Variants in KCNN3 observed in about 807,000 individuals in gnomAD.
The protein encoded by KCNN3 is small conductance calcium-activated potassium channel protein 3.
Under a neutral mutation model 62.9 loss-of-function variants are expected in KCNN3, and 16 were observed. The observed-to-expected ratio is 0.25, with a 90% CI of 0.17 to 0.39. The LOEUF (loss-of-function observed/expected upper bound fraction) is 0.39. Ranked by LOEUF, KCNN3 falls within the 10% of genes least tolerant of loss-of-function variation. The probability of loss-of-function intolerance (pLI) is 1.00; values close to 1 mark genes in which losing one functional copy is unlikely to be tolerated. For synonymous variants in KCNN3, 370 were observed against 389.2 expected (o/e 0.95, Z 0.58); for missense variants, 599 against 949.4 (o/e 0.63, Z 4.85).
In KCNN3 at chr1:154,700,711, G is replaced by C. The variant is rs1699834649; in HGVS notation, c.*7265C>G. ...CCAGCTACTCGGGAGGCTGAGGCAG[G>C]AGAATTGCATGAACCCAGGAGGCAG... is the stretch of plus-strand genomic sequence containing the variant. On this transcript the variant is annotated 3_prime_UTR_variant, in exon 8 of 8. Coordinates refer to ENST00000271915, the MANE Select transcript of KCNN3 (RefSeq NM_002249.6). 6.6e-6 allele frequency: 1 copy of C among 152,126 alleles called. No individual in the cohort carries two copies. The highest frequency in any genetic ancestry group is 1.5e-5 in the Non-Finnish European group (1 of 68,052). 9.4% of individuals were successfully genotyped at this position (152,126 alleles called of 1,614,324 possible). A position where few individuals can be genotyped will look rare whatever the true frequency, so the allele number is the denominator to read the frequency against.
At chr1:154,739,359 T>C (rs1200477486) in intron 3 of KCNN3, among the ~76,000 whole-genome samples, 1 of 152,246 alleles carries the variant, frequency 6.6e-6, no homozygotes. Context: ...CTGTGGGATC[T>C]ACTTGTATGT....
chr1:154,781,122 C>A (rs1387491695), intron 2 of KCNN3, among the ~76,000 whole-genome samples: 3 of 152,184 alleles, frequency 2.0e-5, no homozygotes, highest in African/African-American at 7.2e-5. Context: ...TGTGTAATGA[C>A]CACTCATGGG....
At chr1:154,755,294 A>G (rs1356497037) in intron 3 of KCNN3, among the ~76,000 whole-genome samples, 8 of 151,096 alleles carry the variant, frequency 5.3e-5, no homozygotes, top group Admixed American at 4.6e-4. Flanking sequence ...ACATAGAGAG[A>G]CTCTGTCGCC....
intron 3 of KCNN3, among the ~76,000 whole-genome samples, chr1:154,752,078 G>A (rs1254356539): frequency 6.6e-6 from 1 of 152,204 alleles, no homozygotes; most frequent in African/African-American, 2.4e-5. Context: ...TTAAGTCCTC[G>A]AAAGGCCTCC....
intron 3 of KCNN3, among the ~76,000 whole-genome samples, chr1:154,763,180 T>C (rs1648102229): frequency 6.6e-6 from 1 of 152,190 alleles, no homozygotes; most frequent in Admixed American, 6.5e-5. Flanking sequence ...AAATTTCTAA[T>C]TTTGTGTTTT....
At position 154,707,000 on chromosome 1, in the gene KCNN3, G is replaced by T. The variant is rs1571195548; in HGVS notation, c.*976C>A. On this transcript the variant is annotated 3_prime_UTR_variant, in exon 8 of 8. Coordinates refer to ENST00000271915, the MANE Select transcript of KCNN3 (RefSeq NM_002249.6). Reference sequence around the variant, plus strand: ...CATCGAAACACAACTTGTTTGGATGGAAGAAGAAAACTCTGCAGATGCTGT... The same window carrying T: ...CATCGAAACACAACTTGTTTGGATGTAAGAAGAAAACTCTGCAGATGCTGT... The T allele has an allele frequency of 6.6e-6, 1 of 152,210 alleles. No homozygotes were observed. Among genetic ancestry groups the T allele is most frequent in the African/African-American group, 2.4e-5 (1 of 41,454 alleles). 9.4% of individuals were successfully genotyped at this position (152,210 alleles called of 1,614,324 possible).
intron 3 of KCNN3, among the ~76,000 whole-genome samples, chr1:154,738,395 T>C: frequency 6.6e-6 from 1 of 152,178 alleles, no homozygotes; most frequent in East Asian, 1.9e-4. Flanking sequence ...AAATCTGAAT[T>C]GGCCAAAGTA....
chr1:154,834,840 A>G (rs1206008498), intron 1 of KCNN3, among the ~76,000 whole-genome samples: 4 of 152,174 alleles, frequency 2.6e-5, no homozygotes, highest in Non-Finnish European at 5.9e-5. Flanking sequence ...TTCCAAGCCC[A>G]GGATTGGTAA....
intron 2 of KCNN3, among the ~76,000 whole-genome samples, chr1:154,779,045 T>A (rs553120082): frequency 3.3e-5 from 5 of 151,936 alleles, no homozygotes; most frequent in Non-Finnish European, 7.4e-5. Flanking sequence ...GGCCTCACTA[T>A]CCCTTTCACC....
chr1:154,779,086 A>T (rs1648916120), intron 2 of KCNN3, among the ~76,000 whole-genome samples: 1 of 152,136 alleles, frequency 6.6e-6, no homozygotes, highest in African/African-American at 2.4e-5. Flanking sequence ...GCTGCCAGCC[A>T]TCAGAAGCCG....
At position 154,701,466 on chromosome 1, in the gene KCNN3, T is replaced by C. The variant is rs1699851267; in HGVS notation, c.*6510A>G. The C allele has an allele frequency of 6.6e-6, 1 of 152,174 alleles. No individual in the cohort carries two copies. Among genetic ancestry groups the C allele is most frequent in the South Asian group, 2.1e-4 (1 of 4,834 alleles). 9.4% of individuals were successfully genotyped at this position (152,174 alleles called of 1,614,324 possible). ...TCATCTAGAAGTAGTGCCTTAGCCA[T>C]ATGAAGGAGGGAACTGAGAACTTCT... On this transcript the variant is annotated 3_prime_UTR_variant, in exon 8 of 8. Transcript: ENST00000271915.
chr1:154,778,682 C>A (rs1339897371), intron 2 of KCNN3, among the ~76,000 whole-genome samples: 1 of 142,730 alleles, frequency 7.0e-6, no homozygotes, highest in African/African-American at 2.6e-5. Context: ...TGCAATGGCA[C>A]CATCTGCCTC....
At chr1:154,710,665 G>T (rs1700055576) in intron 7 of KCNN3, among the ~76,000 whole-genome samples, 1 of 152,152 alleles carries the variant, frequency 6.6e-6, no homozygotes, top group Non-Finnish European at 1.5e-5. Context: ...AGTTTGGTTT[G>T]CCCAAAAGTG....
In KCNN3 at chr1:154,721,750, T is replaced by C. The variant is rs142973806; in HGVS notation, c.1701+4166A>G. 4.1e-3 allele frequency among the ~76,000 whole-genome samples: 622 copies of C among 151,964 alleles called. 8 individuals carry two copies. The highest frequency in any genetic ancestry group is 0.01 in the Middle Eastern group (3 of 294). ...GAGTGGCCTCTGTGATGGATCTGTTTAGCTACATAAAACAGAAAGATGGGG... is the reference window on the plus strand; with the variant it reads ...GAGTGGCCTCTGTGATGGATCTGTTCAGCTACATAAAACAGAAAGATGGGG... On this transcript the variant is annotated intron_variant, in intron 5 of 7. Coordinates refer to ENST00000271915, the MANE Select transcript of KCNN3 (RefSeq NM_002249.6).
At position 154,745,891 on chromosome 1, in the gene KCNN3, G is replaced by A. The variant is rs143980205; in HGVS notation, c.1449-12747C>T. Among the ~76,000 whole-genome samples, 648 of 152,270 alleles carry A rather than the reference G, an allele frequency of 4.3e-3. 11 individuals are homozygous for A. Among genetic ancestry groups the A allele is most frequent in the African/African-American group, 0.015 (616 of 41,536 alleles). ...TTCCCATGGGAAGCATGTCTTCCAC[G>A]GTATCTGGAGATGGCGTGGCAGAGA... On this transcript the variant is annotated intron_variant, in intron 3 of 7. Transcript: ENST00000271915.
intron 2 of KCNN3, among the ~76,000 whole-genome samples, chr1:154,783,309 A>G (rs1649139793): frequency 1.3e-5 from 2 of 152,240 alleles, no homozygotes; most frequent in African/African-American, 4.8e-5. Context: ...GAATCAATAT[A>G]TGATTAAAAT....
intron 1 of KCNN3, among the ~76,000 whole-genome samples, chr1:154,840,521 C>A (rs1212521601): frequency 6.6e-6 from 1 of 152,202 alleles, no homozygotes; most frequent in Non-Finnish European, 1.5e-5. Flanking sequence ...CCTCTCACCG[C>A]TCCTCATTAA....
chr1:154,854,097 T>A (rs970517759), intron 1 of KCNN3, among the ~76,000 whole-genome samples: 7 of 151,630 alleles, frequency 4.6e-5, no homozygotes, highest in Admixed American at 1.3e-4. Context: ...TAGCCAGGTG[T>A]TGTGGCAGGC....
chr1:154,815,066 A>G (rs1269146247), intron 2 of KCNN3, among the ~76,000 whole-genome samples: 2 of 152,016 alleles, frequency 1.3e-5, no homozygotes, highest in East Asian at 3.9e-4. Context: ...GAGTGGCCCG[A>G]GCTCCCTCCT....
Sources: allele counts gnomAD v4.1 joint callset (sites outside exome capture counted in the v4.1 genomes callset), GRCh38; gene constraint gnomAD v4.1.1; transcripts MANE v1.5; gene names NCBI Gene and HGNC (gene_info 2026-07-23, HGNC 2026-07-21).